The following TEKT5 variants were observed in gnomAD, a reference collection of about 807,000 sequenced individuals.
The protein encoded by TEKT5 is tektin 5.
TEKT5 carries 52 observed loss-of-function variants against 48.7 expected under a neutral mutation model. The ratio of observed to expected loss-of-function variants is 1.07; its 90% CI spans 0.86 to 1.35. The LOEUF (loss-of-function observed/expected upper bound fraction) is 1.35, where lower values mean the gene tolerates loss of function less well. Among genes scored for constraint, TEKT5 ranks in the 40% most tolerant of loss-of-function variants. The probability of loss-of-function intolerance (pLI) is 0.00; values close to 1 mark genes in which losing one functional copy is unlikely to be tolerated. For synonymous variants in TEKT5, 318 were observed against 267.6 expected (o/e 1.19, Z -1.84); for missense variants, 831 against 641.6 (o/e 1.30, Z -3.19).
At chr16:10,657,756 ATTT>A (rs59166602) in intron 5 of TEKT5, among the ~76,000 whole-genome samples, 149 of 134,948 alleles carry the variant, frequency 1.1e-3, no homozygotes, top group Middle Eastern at 8.2e-3. Flanking sequence ...CGCCAAGCTA[ATTT>A]TTTTTTTTTT....
At chr16:10,670,064 T>C (rs1005424958) in intron 5 of TEKT5, among the ~76,000 whole-genome samples, 5 of 152,204 alleles carry the variant, frequency 3.3e-5, no homozygotes, top group Non-Finnish European at 7.3e-5. Flanking sequence ...CAAACCACTG[T>C]CTGCACGTGG....
chr16:10,678,996 A>G (rs562051356), intron 4 of TEKT5, among the ~76,000 whole-genome samples: 63 of 152,302 alleles, frequency 4.1e-4, no homozygotes, highest in African/African-American at 1.4e-3. Context: ...TCAGTATTCA[A>G]TGTAGATTCA....
chr16:10,662,967 T>C (rs531518011), intron 5 of TEKT5, among the ~76,000 whole-genome samples: 21 of 152,306 alleles, frequency 1.4e-4, no homozygotes, highest in African/African-American at 4.8e-4. Flanking sequence ...TGCAGCAGGA[T>C]GGAAAACTCA....
chr16:10,661,515 A>T (rs1898369354), intron 5 of TEKT5, among the ~76,000 whole-genome samples: 1 of 152,244 alleles, frequency 6.6e-6, no homozygotes, highest in South Asian at 2.1e-4. Flanking sequence ...AGTTTCATGC[A>T]GATCTCTCTG....
chr16:10,679,140 T>C (rs997327958), intron 4 of TEKT5, among the ~76,000 whole-genome samples: 2 of 152,178 alleles, frequency 1.3e-5, no homozygotes, highest in African/African-American at 4.8e-5. Flanking sequence ...AAATGTGAAG[T>C]CCTTGTCATG....
At chr16:10,645,675 C>T (rs1898059247) in intron 5 of TEKT5, among the ~76,000 whole-genome samples, 1 of 152,112 alleles carries the variant, frequency 6.6e-6, no homozygotes. Context: ...TGGTGGCAAG[C>T]ACCTGTAATT....
intron 5 of TEKT5, among the ~76,000 whole-genome samples, chr16:10,645,737 G>C (rs372420169): frequency 6.6e-6 from 1 of 152,152 alleles, no homozygotes; most frequent in African/African-American, 2.4e-5. Flanking sequence ...GGGAGGCGGA[G>C]GTTGCAGGGA....
intron 3 of TEKT5, among the ~76,000 whole-genome samples, chr16:10,687,740 G>A (rs964605210): frequency 2.6e-5 from 4 of 152,268 alleles, no homozygotes; most frequent in African/African-American, 9.6e-5. Flanking sequence ...GCAGCAGAAT[G>A]AGACTTCGTC....
chr16:10,628,245 C>T (rs1450236828), intron 6 of TEKT5, among the ~76,000 whole-genome samples: 2 of 152,172 alleles, frequency 1.3e-5, no homozygotes, highest in Non-Finnish European at 1.5e-5. Flanking sequence ...CAAGGCTCGG[C>T]CCTCCAGGGG....
At chr16:10,647,197 C>T (rs376508075) in intron 5 of TEKT5, among the ~76,000 whole-genome samples, 13 of 151,744 alleles carry the variant, frequency 8.6e-5, no homozygotes, top group Admixed American at 7.2e-4. Flanking sequence ...GGGCTGGGCG[C>T]GGTGGCTGAC....
intron 6 of TEKT5, among the ~76,000 whole-genome samples, chr16:10,630,883 G>A (rs1468063625): frequency 6.6e-6 from 1 of 151,604 alleles, no homozygotes; most frequent in Non-Finnish European, 1.5e-5. Flanking sequence ...AATTAGCCAG[G>A]TGTCATGGTG....
intron 5 of TEKT5, among the ~76,000 whole-genome samples, chr16:10,636,592 C>T (rs11859575): frequency 0.14 from 21,359 of 151,496 alleles, 2,002 homozygotes; most frequent in African/African-American, 0.26. Context: ...GGAAGGCAGG[C>T]CTTTCAGATT....
intron 1 of TEKT5, chr16:10,690,535 T>C (rs910932135): frequency 2.0e-6 from 2 of 978,238 alleles, no homozygotes; most frequent in African/African-American, 1.7e-5. Context: ...CACAGGTTCA[T>C]TGTGCAGGTG....
intron 5 of TEKT5, among the ~76,000 whole-genome samples, chr16:10,655,244 C>T (rs1898241219): frequency 6.6e-6 from 1 of 152,074 alleles, no homozygotes; most frequent in South Asian, 2.1e-4. Context: ...CAAACAGCCT[C>T]CAACCATATT....
intron 1 of TEKT5, chr16:10,690,637 G>C (rs184525328): frequency 1.0e-6 from 1 of 985,310 alleles, no homozygotes; most frequent in East Asian, 1.1e-4. Context: ...AGATCTCCCA[G>C]TGGAGGGACA....
intron 5 of TEKT5, among the ~76,000 whole-genome samples, chr16:10,637,201 G>T (rs1307956272): frequency 6.6e-6 from 1 of 151,774 alleles, no homozygotes; most frequent in African/African-American, 2.4e-5. Context: ...ACCCAGGATT[G>T]ATTTTTGTAT....
In TEKT5 at chr16:10,629,437, GAC is replaced by G. The variant is rs1230831358; in HGVS notation, c.1242-1640_1242-1639del. Among the ~76,000 whole-genome samples, 5 of 152,240 alleles carry G rather than the reference GAC, an allele frequency of 3.3e-5. No homozygotes were observed. The East Asian group carries it at 9.7e-4, about 29-fold the overall frequency. On this transcript the variant is annotated intron_variant, in intron 6 of 6. Transcript: ENST00000283025. ...AGCTAATTTTTCATGTTTTAGTAGA[GAC>G]AGTGTTTCACCATGTTGCTCAGGCT...
Position 10,677,941 on chromosome 16 carries a change from C to T in TEKT5, c.864-1760G>A, listed in dbSNP as rs1231142900. ...CTGGGGAGATCAATGGACATGGACACAGGCTACATTAGCAAAGGCAGGCAG... is the reference window on the plus strand; with the variant it reads ...CTGGGGAGATCAATGGACATGGACATAGGCTACATTAGCAAAGGCAGGCAG... On this transcript the variant is annotated intron_variant, in intron 4 of 6. Coordinates refer to ENST00000283025, the MANE Select transcript of TEKT5 (RefSeq NM_144674.2). Among the ~76,000 whole-genome samples, 8 of 152,308 alleles carry T rather than the reference C, an allele frequency of 5.3e-5. No individual in the cohort carries two copies. The East Asian group carries it at 1.5e-3, about 29-fold the overall frequency.
At chr16:10,689,688 G>A (rs959447109) in intron 2 of TEKT5, among the ~76,000 whole-genome samples, 2 of 152,066 alleles carry the variant, frequency 1.3e-5, no homozygotes, top group South Asian at 2.1e-4. Context: ...CTCAATAAAC[G>A]CTAGCTTTTA....
Sources: allele counts gnomAD v4.1 joint callset (sites outside exome capture counted in the v4.1 genomes callset), GRCh38; gene constraint gnomAD v4.1.1; transcripts MANE v1.5; gene names NCBI Gene and HGNC (gene_info 2026-07-23, HGNC 2026-07-21).